The following CNOT1 variants were observed in gnomAD, a reference collection of about 807,000 sequenced individuals.
CNOT1 encodes the protein CCR4-associated factor 1.
Under a neutral mutation model 273.8 loss-of-function variants are expected in CNOT1, and 15 were observed. That is an observed-to-expected ratio of 0.05 (90% confidence interval 0.04 to 0.08). The LOEUF (loss-of-function observed/expected upper bound fraction) is 0.08, where lower values mean the gene tolerates loss of function less well. Among genes scored for constraint, CNOT1 ranks in the 10% least tolerant of loss-of-function variants. The pLI, the probability that CNOT1 is intolerant of heterozygous loss-of-function variation, is 1.00. For synonymous variants in CNOT1, 1,022 were observed against 1,005.5 expected (o/e 1.02, Z -0.31); for missense variants, 1,644 against 2,912.2 (o/e 0.56, Z 10.02).
rs2041908365 is a variant in CNOT1 at position 58,587,328 on chromosome 16, T to C, written c.378+17A>G. ...TAATTCTAGTTTTGTCTACATCTCT[T>C]TTCATAAATCACTCACCTCTTGTAC... On this transcript the variant is annotated intron_variant, in intron 5 of 48. Coordinates refer to ENST00000317147, the MANE Select transcript of CNOT1 (RefSeq NM_016284.5). The C allele has an allele frequency of 6.2e-7, 1 of 1,613,788 alleles. No homozygotes were observed. Among genetic ancestry groups the C allele is most frequent in the Non-Finnish European group, 8.5e-7 (1 of 1,179,956 alleles).
intron 2 of CNOT1, among the ~76,000 whole-genome samples, chr16:58,591,970 T>A (rs1461473275): frequency 6.6e-6 from 1 of 152,136 alleles, no homozygotes. Context: ...GGCTCCTAGA[T>A]CACAATGTTT....
chr16:58,603,408 A>AGTGTGTGT (rs200088613), intron 1 of CNOT1, among the ~76,000 whole-genome samples: 253 of 96,732 alleles, frequency 2.6e-3, no homozygotes, highest in Middle Eastern at 6.0e-3. Flanking sequence ...ACAATTTAAA[A>AGTGTGTGT]GTGTGTGTGT....
chr16:58,589,793 A>G (rs1426291728), intron 2 of CNOT1, among the ~76,000 whole-genome samples: 11 of 152,160 alleles, frequency 7.2e-5, no homozygotes, highest in Admixed American at 2.6e-4. Context: ...CCTTGAGCTC[A>G]GTTTCCTGCC....
intron 1 of CNOT1, among the ~76,000 whole-genome samples, chr16:58,621,910 CAAAAAAAAAAAAA>C (rs58087048): frequency 1.2e-5 from 1 of 85,350 alleles, no homozygotes; most frequent in South Asian, 4.6e-4. Flanking sequence ...GACTCCGTCT[CAAAAAAAAAAAAA>C]AAAAAAAAAA....
chr16:58,572,815 G>A (rs1049843940), intron 16 of CNOT1, among the ~76,000 whole-genome samples: 1 of 151,214 alleles, frequency 6.6e-6, no homozygotes, highest in African/African-American at 2.4e-5. Flanking sequence ...GGCTGAAGCA[G>A]GAGAATCACT....
Position 58,563,098 on chromosome 16 carries a change from C to T in CNOT1, c.1980-2736G>A, listed in dbSNP as rs535106078. 8.6e-5 allele frequency among the ~76,000 whole-genome samples: 13 copies of T among 151,970 alleles called. No individual in the cohort carries two copies. In the South Asian group the frequency reaches 2.3e-3, roughly 27 times the overall value. ...GAACACAGACAACAAATGAAATAAA[C>T]GCGTTGTTTTATGTCCACTGAAGCC... On this transcript the variant is annotated intron_variant, in intron 16 of 48. Coordinates refer to ENST00000317147, the MANE Select transcript of CNOT1 (RefSeq NM_016284.5).
rs1481580485 is a variant in CNOT1, at chr16:58,555,403, T to G, written c.2739A>C (p.Thr913=). 9 of 1,614,244 alleles carry G rather than the reference T, an allele frequency of 5.6e-6. No individual in the cohort carries two copies. Among genetic ancestry groups the G allele is most frequent in the Non-Finnish European group, 6.8e-6 (8 of 1,180,046 alleles). Residue 913 remains threonine, a synonymous_variant, in exon 21 of 49, where the codon ACA becomes ACC. Coordinates refer to ENST00000317147, the MANE Select transcript of CNOT1 (RefSeq NM_016284.5). The part of the protein sequence containing the change: ...PQYPDKELHI[T]ACLFGGIIEK... ...CAATTATACCACCAAATAGGCAGGC[T>G]GTTATATGTAACTCTTTATCAGGAT...
chr16:58,560,139 T>C, intron 17 of CNOT1, 73 bp downstream of exon 17: 1 of 1,555,842 alleles, frequency 6.4e-7, no homozygotes, highest in Non-Finnish European at 8.7e-7. Context: ...AGACAATTTA[T>C]TAATGACATA....
In CNOT1 at chr16:58,538,806, A is replaced by G; in HGVS notation, c.5101T>C (p.Tyr1701His). 6.2e-7 allele frequency: 1 copy of G among 1,612,820 alleles called. No individual in the cohort carries two copies. The highest frequency in any genetic ancestry group is 8.5e-7 in the Non-Finnish European group (1 of 1,179,884). The change falls in exon 36 of 49, where the codon TAT (tyrosine) becomes CAT (histidine). Residue 1701 changes from tyrosine (Y) to histidine (H), a missense_variant. Around this residue, in one of 13 missense-constraint regions of CNOT1, gnomAD observed 170 missense variants for 273.1 expected, o/e 0.62. Transcript: ENST00000317147. ...TGTTTGTTGCACCATGGAGACCCAT[A>G]TGCCCGGCCATCCTGCAGAGCTTTT... ...VLKALQDGRAYGSPWCNKQIT... is the reference protein window; with the variant it reads ...VLKALQDGRAHGSPWCNKQIT...
chr16:58,599,110 A>G (rs2042375533), intron 2 of CNOT1, 126 bp downstream of exon 2: 1 of 1,242,692 alleles, frequency 8.0e-7, no homozygotes, highest in East Asian at 2.5e-5. Flanking sequence ...TGATGACAGA[A>G]ATCACTTGAA....
chr16:58,583,259 C>T, intron 8 of CNOT1, 77 bp from the exon 9 acceptor site: 1 of 1,577,446 alleles, frequency 6.3e-7, no homozygotes, highest in Non-Finnish European at 8.6e-7. Flanking sequence ...ATTAAATGAA[C>T]CTTGTTTGAA....
intron 39 of CNOT1, among the ~76,000 whole-genome samples, chr16:58,535,208 T>C (rs902547836): frequency 6.6e-6 from 1 of 152,136 alleles, no homozygotes; most frequent in African/African-American, 2.4e-5. Context: ...TTCAAGGTTA[T>C]CTTGAAATTT....
chr16:58,618,265 T>C (rs1317513789), intron 1 of CNOT1, among the ~76,000 whole-genome samples: 1 of 151,806 alleles, frequency 6.6e-6, no homozygotes, highest in Non-Finnish European at 1.5e-5. Context: ...TCGAGCTACT[T>C]TGTCTCTAAA....
intron 8 of CNOT1, among the ~76,000 whole-genome samples, chr16:58,583,839 T>C (rs1345869996): frequency 6.6e-6 from 1 of 151,356 alleles, no homozygotes; most frequent in South Asian, 2.1e-4. Flanking sequence ...ATGCCCAGCC[T>C]GAAAATTTTT....
chr16:58,594,657 C>A (rs774190942), intron 2 of CNOT1, among the ~76,000 whole-genome samples: 89 of 151,480 alleles, frequency 5.9e-4, no homozygotes, highest in Non-Finnish European at 1.2e-3. Flanking sequence ...CAAAAATAAG[C>A]CAGATGTGGT....
Position 58,532,415 on chromosome 16 carries a change from G to T in CNOT1, c.5896-20C>A. 1 of 1,606,370 alleles carries T rather than the reference G, an allele frequency of 6.2e-7. No homozygotes were observed. The highest frequency in any genetic ancestry group is 8.5e-7 in the Non-Finnish European group (1 of 1,174,162). On this transcript the variant is annotated intron_variant, in intron 40 of 48. Transcript: ENST00000317147. ...AAGGACCTACGTAAAACACAAATCA[G>T]AGCTTGTAAATCATTCAGATAATCC...
At chr16:58,619,632 A>C (rs2043233088) in intron 1 of CNOT1, among the ~76,000 whole-genome samples, 1 of 151,808 alleles carries the variant, frequency 6.6e-6, no homozygotes, top group African/African-American at 2.4e-5. Context: ...CACCATATTG[A>C]CCAGGCTGGT....
At chr16:58,546,541 T>C (rs1213924187) in intron 28 of CNOT1, 43 bp from the exon 29 acceptor site, 36 of 1,600,800 alleles carry the variant, frequency 2.2e-5, no homozygotes, top group Non-Finnish European at 2.8e-5. Context: ...AAAAGAAAAC[T>C]TTAGTTTTAC....
At chr16:58,625,383 G>A (rs2043523250) in intron 1 of CNOT1, among the ~76,000 whole-genome samples, 1 of 152,122 alleles carries the variant, frequency 6.6e-6, no homozygotes. Flanking sequence ...ATGGCGGCGT[G>A]CGCCTGTAAT....
Sources: allele counts gnomAD v4.1 joint callset (sites outside exome capture counted in the v4.1 genomes callset), GRCh38; gene constraint gnomAD v4.1.1; regional missense constraint gnomAD v4.1.1; transcripts MANE v1.5; gene names NCBI Gene and HGNC (gene_info 2026-07-23, HGNC 2026-07-21).